Variants in DCAF6 observed in about 807,000 individuals in gnomAD.
The protein encoded by DCAF6 is DDB1 and CUL4 associated factor 6, also known as DDB1- and CUL4-associated factor 6.
In DCAF6, 54 loss-of-function variants were observed where a neutral mutation model predicts 125.1. The ratio of observed to expected loss-of-function variants is 0.43; its 90% CI spans 0.35 to 0.54. The LOEUF (loss-of-function observed/expected upper bound fraction) is 0.54. Ranked by LOEUF, DCAF6 falls within the 20% of genes least tolerant of loss-of-function variation. The probability of loss-of-function intolerance (pLI) is 0.01; values close to 1 mark genes in which losing one functional copy is unlikely to be tolerated. For synonymous variants in DCAF6, 371 were observed against 390.4 expected (o/e 0.95, Z 0.58); for missense variants, 934 against 1,161.7 (o/e 0.80, Z 2.85).
At chr1:167,916,164 A>G in the DCAF6 span, among the ~76,000 whole-genome samples, 1 of 152,258 alleles carries the variant, frequency 6.6e-6, no homozygotes. Flanking sequence ...ACTGATAACT[A>G]GGCTATGTGT....
chr1:167,941,117 C>T (rs987773056), intron 1 of DCAF6, among the ~76,000 whole-genome samples: 1 of 151,806 alleles, frequency 6.6e-6, no homozygotes, highest in East Asian at 1.9e-4. Flanking sequence ...CTGACTTTTG[C>T]CTCTTTTTTT....
chr1:167,919,976 T>G, the DCAF6 span: 1 of 1,605,126 alleles, frequency 6.2e-7, no homozygotes, highest in Non-Finnish European at 8.5e-7. Flanking sequence ...CTGGTAGGCT[T>G]ACCTCCAAAT....
In DCAF6 at chr1:168,064,878, C is replaced by G. The variant is rs144631081; in HGVS notation, c.2440-712C>G. On this transcript the variant is annotated intron_variant, in intron 18 of 21. Coordinates refer to ENST00000367840, the MANE Select transcript of DCAF6 (RefSeq NM_001198956.2). ...ATTTAAAAATGTCATTATAACTATT[C>G]CAGTATATCATATGCCTTTGATTCT... Among the ~76,000 whole-genome samples the G allele has an allele frequency of 1.6e-3, 244 of 152,180 alleles. 1 individual carries two copies. The highest frequency in any genetic ancestry group is 3.4e-3 in the Middle Eastern group (1 of 294).
At chr1:168,072,601 T>A (rs1173923785) in intron 21 of DCAF6, among the ~76,000 whole-genome samples, 1 of 152,214 alleles carries the variant, frequency 6.6e-6, no homozygotes, top group Non-Finnish European at 1.5e-5. Context: ...TTTAGGCTCC[T>A]AAAACAGTGC....
At chr1:167,934,733 A>G (rs1671020968), upstream of DCAF6, among the ~76,000 whole-genome samples, 1 of 152,208 alleles carries the variant, frequency 6.6e-6, no homozygotes, top group Non-Finnish European at 1.5e-5. Flanking sequence ...AGGAGAATAA[A>G]AGCCACTTTT....
chr1:167,984,468 A>G (rs1022071771), intron 4 of DCAF6, among the ~76,000 whole-genome samples: 11 of 152,224 alleles, frequency 7.2e-5, no homozygotes, highest in African/African-American at 2.7e-4. Context: ...GTTTTTAAAA[A>G]TAAATATCCT....
chr1:168,030,397 CT>C (rs1686919396), intron 12 of DCAF6, among the ~76,000 whole-genome samples: 1 of 152,164 alleles, frequency 6.6e-6, no homozygotes, highest in Non-Finnish European at 1.5e-5. Context: ...GACAAAGTGA[CT>C]TTTTGGACAT....
the DCAF6 span, among the ~76,000 whole-genome samples, chr1:167,873,490 T>C: frequency 6.6e-6 from 1 of 152,318 alleles, no homozygotes; most frequent in Middle Eastern, 3.4e-3. Flanking sequence ...TAACTTATGA[T>C]AAGACTTTTG....
chr1:167,983,271 G>A (rs60024821), intron 4 of DCAF6, among the ~76,000 whole-genome samples: 12,872 of 152,164 alleles, frequency 0.085, 617 homozygotes, highest in Middle Eastern at 0.1. Flanking sequence ...TCATTTTAAC[G>A]ATATTGATTC....
Position 168,045,048 on chromosome 1 carries a change from T to C in DCAF6, c.2079T>C (p.Thr693=), listed in dbSNP as rs144703806. The C allele has an allele frequency of 2.5e-4, 407 of 1,614,066 alleles. 3 individuals carry two copies. The highest frequency in any genetic ancestry group is 2.1e-3 in the South Asian group (188 of 91,082). The change falls in exon 16 of 22, where the codon ACT becomes ACC. Residue 693 remains threonine, a synonymous_variant. Transcript: ENST00000367840. The stretch of plus-strand genomic sequence containing the variant: ...CAGAAACTTCAGATCAGACTAGCAC[T>C]GAGAGTGCTACCAATGAAAATAACA... ...KEPETSDQTS[T]ESATNENNTN...
At chr1:167,945,956 T>G (rs1304052576) in intron 1 of DCAF6, among the ~76,000 whole-genome samples, 1 of 85,954 alleles carries the variant, frequency 1.2e-5, no homozygotes, top group East Asian at 2.2e-4. Context: ...AATCTAAGGG[T>G]TTTTTTTTTT....
intron 5 of DCAF6, among the ~76,000 whole-genome samples, chr1:167,988,363 C>T (rs1308285750): frequency 6.6e-6 from 1 of 151,904 alleles, no homozygotes; most frequent in East Asian, 1.9e-4. Flanking sequence ...GAGGTCTTGC[C>T]ATATTGCCTA....
At chr1:167,871,200 C>T in the DCAF6 span, among the ~76,000 whole-genome samples, 1 of 151,654 alleles carries the variant, frequency 6.6e-6, no homozygotes, top group Non-Finnish European at 1.5e-5. Flanking sequence ...ATTTTTATTT[C>T]TGATTCTGTG....
chr1:168,002,375 A>G, intron 7 of DCAF6, 107 bp from the exon 8 acceptor site: 2 of 902,814 alleles, frequency 2.2e-6, no homozygotes, highest in Non-Finnish European at 3.5e-6. Context: ...TAATTTGCAT[A>G]CTCAAGAAGT....
At chr1:168,054,022 C>G (rs530793045) in intron 17 of DCAF6, among the ~76,000 whole-genome samples, 3 of 152,250 alleles carry the variant, frequency 2.0e-5, no homozygotes, top group African/African-American at 7.2e-5. Context: ...GCAGAAACAG[C>G]AAGATACTCT....
At chr1:167,889,545 T>C in the DCAF6 span, among the ~76,000 whole-genome samples, 1 of 152,198 alleles carries the variant, frequency 6.6e-6, no homozygotes, top group Non-Finnish European at 1.5e-5. Context: ...CTTTTTTTGA[T>C]GTACTTTTGT....
the DCAF6 span, among the ~76,000 whole-genome samples, chr1:167,921,464 C>T: frequency 4.2e-4 from 64 of 152,180 alleles, no homozygotes; most frequent in Admixed American, 2.5e-3. Flanking sequence ...GCAGGTGATC[C>T]GCCCGCCTCA....
chr1:167,883,725 T>C, the DCAF6 span: 1 of 1,134,628 alleles, frequency 8.8e-7, no homozygotes, highest in Non-Finnish European at 1.3e-6. Flanking sequence ...CTAGGGAATG[T>C]CTACCTCAGA....
chr1:167,933,848 G>C (rs1670984561), upstream of DCAF6, among the ~76,000 whole-genome samples: 1 of 152,130 alleles, frequency 6.6e-6, no homozygotes, highest in South Asian at 2.1e-4. Flanking sequence ...TCTGTATGTT[G>C]CTCAAATTTT....
Sources: gnomAD v4.1 joint callset for allele counts (sites outside exome capture counted in the v4.1 genomes callset) on GRCh38, gnomAD v4.1.1 for gene constraint, MANE v1.5 for transcripts, NCBI Gene and HGNC (gene_info 2026-07-23, HGNC 2026-07-21) for gene names.